PCDHA5: variants seen among roughly 807,000 people sequenced by gnomAD.
The protein encoded by PCDHA5 is protocadherin alpha-5.
A neutral mutation model predicts 61.6 loss-of-function variants in PCDHA5; 43 were observed. That is an observed-to-expected ratio of 0.70 (90% CI 0.55 to 0.90). The LOEUF is 0.90. PCDHA5 is among the 40% of genes least tolerant of loss of function. PCDHA5 has a pLI of 0.00. For synonymous variants in PCDHA5, 627 were observed against 543.9 expected (o/e 1.15, Z -2.13); for missense variants, 1,298 against 1,222.7 (o/e 1.06, Z -0.92).
chr5:140,869,252 A>G (rs1204781858), intron 1 of PCDHA5: 2 of 1,613,490 alleles, frequency 1.2e-6, no homozygotes, highest in African/African-American at 2.7e-5. Flanking sequence ...CGCATCGCGC[A>G]GGACCTGGGG....
At chr5:140,834,160 T>G (rs2150213873) in intron 1 of PCDHA5, 2 of 539,050 alleles carry the variant, frequency 3.7e-6, no homozygotes, top group Non-Finnish European at 6.5e-6. Context: ...GGTTTGTAAT[T>G]CTTACTTACA....
intron 3 of PCDHA5, among the ~76,000 whole-genome samples, chr5:140,999,427 G>A (rs1405186577): frequency 6.6e-6 from 1 of 152,172 alleles, no homozygotes; most frequent in Non-Finnish European, 1.5e-5. Flanking sequence ...AAGAGGCCAA[G>A]TACCTTGCCT....
At chr5:140,922,371 T>G (rs1194947703) in intron 1 of PCDHA5, among the ~76,000 whole-genome samples, 1 of 152,204 alleles carries the variant, frequency 6.6e-6, no homozygotes, top group Non-Finnish European at 1.5e-5. Context: ...CTCACTGAGA[T>G]GCAAAACCAA....
chr5:140,927,643 G>A lies in PCDHA5; in HGVS notation c.2353-51306G>A. On this transcript the variant is annotated intron_variant, in intron 1 of 3. Coordinates refer to ENST00000529859, the MANE Select transcript of PCDHA5 (RefSeq NM_018908.3). The stretch of plus-strand genomic sequence containing the variant: ...TCCAGAGACTGCACCCAATGGGACT[G>A]TGTTATTCCGAGTTCAAGCCTTGGA... The A allele has an allele frequency of 3.7e-6, 6 of 1,614,170 alleles. No homozygotes were observed. Among genetic ancestry groups the A allele is most frequent in the South Asian group, 1.1e-5 (1 of 91,088 alleles).
intron 1 of PCDHA5, chr5:140,866,569 A>G (rs1366987361): frequency 6.6e-6 from 1 of 152,162 alleles, no homozygotes; most frequent in Non-Finnish European, 1.5e-5. Flanking sequence ...TTTTGTTAAT[A>G]CAGTGGTTGG....
At chr5:140,995,452 G>C (rs1400573812) in intron 3 of PCDHA5, among the ~76,000 whole-genome samples, 1 of 152,098 alleles carries the variant, frequency 6.6e-6, no homozygotes, top group African/African-American at 2.4e-5. Context: ...CTTATGAATT[G>C]TTTATTTTTG....
rs2150122693 is a variant in PCDHA5, at chr5:140,823,137, C to T, written c.1362C>T (p.Phe454=). ...VADVNDNAPA[F]AQPQYTVFVK... Reference sequence around the variant, plus strand: ...ACGTGAACGACAACGCTCCGGCGTTCGCGCAGCCCCAGTATACCGTGTTCG... The same window carrying T: ...ACGTGAACGACAACGCTCCGGCGTTTGCGCAGCCCCAGTATACCGTGTTCG... Residue 454 remains phenylalanine, a synonymous_variant, in exon 1 of 4, where the codon TTC becomes TTT. Coordinates refer to ENST00000529859, the MANE Select transcript of PCDHA5 (RefSeq NM_018908.3). 50 of 1,613,704 alleles carry T rather than the reference C, an allele frequency of 3.1e-5. 1 individual carries two copies. The South Asian group carries it at 4.9e-4, about 16-fold the overall frequency.
chr5:140,968,114 A>G, intron 1 of PCDHA5: 1 of 1,614,164 alleles, frequency 6.2e-7, no homozygotes, highest in Non-Finnish European at 8.5e-7. Context: ...ACCGCAGCTC[A>G]CATCCCTGCG....
chr5:140,876,555 G>C (rs782622293), intron 1 of PCDHA5: 1 of 1,614,072 alleles, frequency 6.2e-7, no homozygotes, highest in African/African-American at 1.3e-5. Context: ...CTGTGCAAGA[G>C]GATGCTCAGG....
At chr5:140,992,708 C>T (rs2097525816) in intron 3 of PCDHA5, among the ~76,000 whole-genome samples, 1 of 152,100 alleles carries the variant, frequency 6.6e-6, no homozygotes, top group African/African-American at 2.4e-5. Context: ...ATGTTCCTGC[C>T]AGTATTCGTA....
chr5:140,845,791 T>C (rs1780035450), intron 1 of PCDHA5, among the ~76,000 whole-genome samples: 1 of 149,740 alleles, frequency 6.7e-6, no homozygotes, highest in Admixed American at 6.7e-5. Flanking sequence ...AATAATAAAC[T>C]CTGGCAAGTG....
rs143469399 is a variant in PCDHA5 at position 140,850,397 on chromosome 5, G to T, written c.2352+26270G>T. On this transcript the variant is annotated intron_variant, in intron 1 of 3. Transcript: ENST00000529859. ...TGTACACGGGCGAGATCAGCACAAC[G>T]CGTGCCCTGGACGAAACGGACGCAC... 3.1e-6 allele frequency: 5 copies of T among 1,597,958 alleles called. No homozygotes were observed. The Admixed American group carries it at 6.8e-5, about 22-fold the overall frequency.
rs2150532197 is a variant in PCDHA5, at chr5:140,853,456, T to A, written c.2352+29329T>A. 114 of 975,538 alleles carry A rather than the reference T, an allele frequency of 1.2e-4. 11 individuals are homozygous for A. The Admixed American group carries it at 6.5e-3, about 55-fold the overall frequency. The allele number at this position is 975,538 out of a possible 1,614,324, so 60.4% of individuals were successfully genotyped here. A position where few individuals can be genotyped will look rare whatever the true frequency, so the allele number is the denominator to read the frequency against. ...TCCTATTTTGCCTAATAGGTCTCCT[T>A]ATATGCATCTGTAGTTAACATTCCT... On this transcript the variant is annotated intron_variant, in intron 1 of 3. Transcript: ENST00000529859.
intron 1 of PCDHA5, among the ~76,000 whole-genome samples, chr5:140,912,269 A>T (rs1463580948): frequency 6.6e-6 from 1 of 151,984 alleles, no homozygotes; most frequent in African/African-American, 2.4e-5. Context: ...ACCCTCACAG[A>T]TATACCCAGG....
At chr5:141,007,677 T>C (rs2098339934) in intron 3 of PCDHA5, among the ~76,000 whole-genome samples, 1 of 152,158 alleles carries the variant, frequency 6.6e-6, no homozygotes, top group South Asian at 2.1e-4. Flanking sequence ...AGACAAAAGT[T>C]ATCCTACTTC....
intron 1 of PCDHA5, chr5:140,869,456 A>G (rs782269395): frequency 1.9e-6 from 3 of 1,614,072 alleles, no homozygotes; most frequent in Non-Finnish European, 2.5e-6. Flanking sequence ...CAGGTTTTCC[A>G]TGTGAACGTG....
At chr5:140,935,894 C>CT (rs55841305) in intron 1 of PCDHA5, among the ~76,000 whole-genome samples, 11,084 of 136,696 alleles carry the variant, frequency 0.081, 520 homozygotes, top group Middle Eastern at 0.14. Context: ...TCAATATTAT[C>CT]TTTTTTTTTT....
chr5:141,004,750 C>T (rs1205050665), intron 3 of PCDHA5, among the ~76,000 whole-genome samples: 1 of 152,112 alleles, frequency 6.6e-6, no homozygotes, highest in Non-Finnish European at 1.5e-5. Flanking sequence ...GTCTCAGTCT[C>T]TTAGAGACAG....
chr5:140,831,690 G>A (rs191076937), intron 1 of PCDHA5, among the ~76,000 whole-genome samples: 1 of 152,120 alleles, frequency 6.6e-6, no homozygotes, highest in Non-Finnish European at 1.5e-5. Context: ...ATGAAAAGCA[G>A]CAAAAAGTAG....
Sources: gnomAD v4.1 joint callset for allele counts (sites outside exome capture counted in the v4.1 genomes callset) on GRCh38, gnomAD v4.1.1 for gene constraint, MANE v1.5 for transcripts, NCBI Gene and HGNC (gene_info 2026-07-23, HGNC 2026-07-21) for gene names.